Variants in PROS1 observed in about 807,000 individuals in gnomAD.
PROS1 encodes the protein vitamin K-dependent protein S.
In PROS1, 29 loss-of-function variants were observed where a neutral mutation model predicts 75.9. That is an observed-to-expected ratio of 0.38 (90% CI 0.28 to 0.52). The LOEUF is 0.52. Ranked by LOEUF, PROS1 falls within the 20% of genes least tolerant of loss-of-function variation. The probability of loss-of-function intolerance (pLI) is 0.83; values close to 1 mark genes in which losing one functional copy is unlikely to be tolerated. For missense variants in PROS1, 680 were observed against 810.3 expected (o/e 0.84, Z 1.95); for synonymous variants, 245 against 280.6 (o/e 0.87, Z 1.27).
chr3:93,942,660 A>C (rs1709306770), intron 1 of PROS1, among the ~76,000 whole-genome samples: 1 of 152,138 alleles, frequency 6.6e-6, no homozygotes, highest in African/African-American at 2.4e-5. Flanking sequence ...CAAGGAAAAT[A>C]TCTCCTTCCA....
chr3:93,948,876 C>A (rs1205661550), intron 1 of PROS1, among the ~76,000 whole-genome samples: 3 of 152,114 alleles, frequency 2.0e-5, no homozygotes, highest in Non-Finnish European at 2.9e-5. Context: ...CTATACATTT[C>A]TCTTATTCAT....
chr3:93,918,766 G>C (rs775314447), intron 3 of PROS1, among the ~76,000 whole-genome samples: 2 of 151,966 alleles, frequency 1.3e-5, no homozygotes, highest in Non-Finnish European at 2.9e-5. Context: ...GGCTGGTCTC[G>C]AACTCCTAAC....
chr3:93,900,234 C>T (rs1261399401), intron 7 of PROS1, among the ~76,000 whole-genome samples: 1 of 152,174 alleles, frequency 6.6e-6, no homozygotes, highest in Non-Finnish European at 1.5e-5. Context: ...AGGGGTTGCC[C>T]CAAACCCACA....
At position 93,930,636 on chromosome 3, in the gene PROS1, T is replaced by TA. The variant is rs1416591963; in HGVS notation, c.77-3230dup. On this transcript the variant is annotated intron_variant, in intron 1 of 14. Transcript: ENST00000394236. ...GGTACAAAGCAGGTGTAATAACACA[T>TA]ACTGTATTCATGCTTGTGAAAGCAA... Among the ~76,000 whole-genome samples the TA allele has an allele frequency of 2.6e-5, 4 of 152,322 alleles. No homozygotes were observed. In the East Asian group the frequency reaches 7.7e-4, roughly 29 times the overall value.
intron 10 of PROS1, among the ~76,000 whole-genome samples, chr3:93,891,697 A>C (rs1289502019): frequency 1.3e-5 from 2 of 152,114 alleles, no homozygotes; most frequent in Admixed American, 6.5e-5. Flanking sequence ...GGCATGAGCC[A>C]CTGCGCCCAG....
At chr3:93,962,761 A>T (rs1359275787) in intron 1 of PROS1, among the ~76,000 whole-genome samples, 1 of 152,080 alleles carries the variant, frequency 6.6e-6, no homozygotes, top group African/African-American at 2.4e-5. Flanking sequence ...CTCTCAGTGG[A>T]CTCTTCAGCA....
chr3:93,906,574 T>G (rs555726531), intron 4 of PROS1, among the ~76,000 whole-genome samples: 1 of 152,302 alleles, frequency 6.6e-6, no homozygotes, highest in African/African-American at 2.4e-5. Context: ...CTTAGAGGCA[T>G]GGCCAGGGCT....
intron 1 of PROS1, among the ~76,000 whole-genome samples, chr3:93,947,996 A>C (rs1022402763): frequency 5.9e-5 from 9 of 152,188 alleles, no homozygotes; most frequent in African/African-American, 1.7e-4. Flanking sequence ...AGGACTGATA[A>C]CAATTTTCTG....
intron 9 of PROS1, 112 bp downstream of exon 9, chr3:93,896,461 GACT>G (rs1559932664): frequency 3.8e-6 from 3 of 797,540 alleles, no homozygotes; most frequent in Non-Finnish European, 6.7e-6. Flanking sequence ...TTGGTAATAT[GACT>G]ACATTATCTG....
intron 1 of PROS1, among the ~76,000 whole-genome samples, chr3:93,939,498 G>A (rs551600127): frequency 1.6e-4 from 24 of 151,838 alleles, no homozygotes; most frequent in Non-Finnish European, 3.1e-4. Context: ...TCCACTCCCC[G>A]ACACTATAAT....
intron 3 of PROS1, among the ~76,000 whole-genome samples, chr3:93,912,279 A>C (rs138093933): frequency 6.6e-6 from 1 of 151,568 alleles, no homozygotes; most frequent in Non-Finnish European, 1.5e-5. Flanking sequence ...TCTACTACTG[A>C]CTCTAATCTC....
chr3:93,955,733 AAG>A (rs1491101049), intron 1 of PROS1, among the ~76,000 whole-genome samples: 3 of 152,224 alleles, frequency 2.0e-5, no homozygotes, highest in African/African-American at 7.2e-5. Flanking sequence ...AAAAAAAAAA[AAG>A]AAAGGCAAAG....
chr3:93,958,726 G>A (rs1055326439), intron 1 of PROS1: 1 of 152,268 alleles, frequency 6.6e-6, no homozygotes, highest in African/African-American at 2.4e-5. Context: ...GTTTTATCAG[G>A]GGTTTCTGCT....
At chr3:93,958,263 AC>A (rs1709643669) in intron 1 of PROS1, among the ~76,000 whole-genome samples, 1 of 152,182 alleles carries the variant, frequency 6.6e-6, no homozygotes. Flanking sequence ...AAGGGTCAAG[AC>A]TTTTTTTCAT....
intron 14 of PROS1, 58 bp from the exon 15 acceptor site, chr3:93,874,463 C>G: frequency 6.3e-7 from 1 of 1,595,864 alleles, no homozygotes. Flanking sequence ...TGTTTGTTTA[C>G]AGTGAGAGAA....
At chr3:93,900,540 T>G (rs183910701) in intron 7 of PROS1, among the ~76,000 whole-genome samples, 187 of 152,344 alleles carry the variant, frequency 1.2e-3, no homozygotes, top group African/African-American at 4.3e-3. Flanking sequence ...TATGTTTATC[T>G]TGTTTTTACC....
At chr3:93,901,028 T>C (rs889057883) in intron 6 of PROS1, 99 bp from the exon 7 acceptor site, 4 of 1,348,778 alleles carry the variant, frequency 3.0e-6, no homozygotes, top group African/African-American at 2.9e-5. Flanking sequence ...GTTTAATATA[T>C]GTAATGAGAT....
At chr3:93,953,610 C>T (rs1709543221) in intron 1 of PROS1, among the ~76,000 whole-genome samples, 1 of 152,182 alleles carries the variant, frequency 6.6e-6, no homozygotes. Flanking sequence ...GACAAACCCA[C>T]AGCCAGTATC....
At position 93,973,757 on chromosome 3, in the gene PROS1, C is replaced by T; in HGVS notation, c.-8G>A. 1 of 1,609,182 alleles carries T rather than the reference C, an allele frequency of 6.2e-7. No individual in the cohort carries two copies. Among genetic ancestry groups the T allele is most frequent in the Non-Finnish European group, 8.5e-7 (1 of 1,177,826 alleles). ...CCCACCCAGGACCCTCATTTCGAAG[C>T]GCGCGGAGGCGCCGGCAGGGACGGT... On this transcript the variant is annotated 5_prime_UTR_variant, in exon 1 of 15. Transcript: ENST00000394236.
Sources: allele counts gnomAD v4.1 joint callset (sites outside exome capture counted in the v4.1 genomes callset), GRCh38; gene constraint gnomAD v4.1.1; transcripts MANE v1.5; gene names NCBI Gene and HGNC (gene_info 2026-07-23, HGNC 2026-07-21).